The following MALRD1 variants were observed in gnomAD, a reference collection of about 807,000 sequenced individuals.
MALRD1 encodes MAM and LDL receptor class A domain containing 1, also known as MAM and LDL-receptor class A domain-containing protein 1.
Under a neutral mutation model 242.1 loss-of-function variants are expected in MALRD1, and 247 were observed. That is an observed-to-expected ratio of 1.02 (90% CI 0.92 to 1.13). MALRD1 has a LOEUF of 1.13. Among genes scored for constraint, MALRD1 ranks in the 50% most tolerant of loss-of-function variants. The pLI is 0.00. For synonymous variants in MALRD1, 995 were observed against 866.6 expected, an observed-to-expected ratio of 1.15 and a Z score of -2.60; for missense variants, 2,989 against 2,533.1, an observed-to-expected ratio of 1.18 and a Z score of -3.86.
At chr10:19,264,744 C>T (rs1281084582) in intron 19 of MALRD1, among the ~76,000 whole-genome samples, 5 of 152,076 alleles carry the variant, frequency 3.3e-5, no homozygotes, top group African/African-American at 4.8e-5. Context: ...TGAGCCACCA[C>T]GCCCAGCCCA....
At chr10:19,435,211 T>A (rs918834432) in intron 28 of MALRD1, among the ~76,000 whole-genome samples, 1 of 151,762 alleles carries the variant, frequency 6.6e-6, no homozygotes, top group African/African-American at 2.4e-5. Flanking sequence ...TTTAATTAAC[T>A]GCCTTATTTT....
intron 36 of MALRD1, among the ~76,000 whole-genome samples, chr10:19,634,289 C>T (rs1044840083): frequency 9.2e-5 from 14 of 152,212 alleles, no homozygotes; most frequent in Admixed American, 3.3e-4. Context: ...TGAAGAAGAA[C>T]GAAAATGTCA....
rs1284358484 is a variant in MALRD1, at chr10:19,352,172, A to T, written c.4316A>T (p.Lys1439Ile). 2 of 1,550,522 alleles carry T rather than the reference A, an allele frequency of 1.3e-6. No homozygotes were observed. Among genetic ancestry groups the T allele is most frequent in the South Asian group, 2.4e-5 (2 of 84,054 alleles). The change falls in exon 26 of 40, where the codon AAA becomes ATA. Residue 1439 changes from lysine to isoleucine, a missense_variant. Physicochemically the swap from Lys to Ile is moderately radical, Grantham distance 102. Transcript: ENST00000454679. ...SLFGDEDFQLKFEGRVGKGQR... is the reference protein window; with the variant it reads ...SLFGDEDFQLIFEGRVGKGQR... The stretch of plus-strand genomic sequence containing the variant: ...TTTGGTGATGAAGACTTCCAACTCA[A>T]ATTTGAAGGTAGAGTTGGGAAAGGT...
At chr10:19,481,981 G>A (rs958479736) in intron 29 of MALRD1, among the ~76,000 whole-genome samples, 6 of 151,490 alleles carry the variant, frequency 4.0e-5, no homozygotes, top group African/African-American at 1.5e-4. Context: ...ATTTTCCATC[G>A]TGTCTGATAG....
rs192225554 is a variant in MALRD1 at position 19,729,334 on chromosome 10, A to G, written c.6315-1372A>G. Among the ~76,000 whole-genome samples, 6 of 152,372 alleles carry G rather than the reference A, an allele frequency of 3.9e-5. No homozygotes were observed. In the East Asian group the frequency reaches 1.2e-3, roughly 29 times the overall value. On this transcript the variant is annotated intron_variant, in intron 38 of 39. Transcript: ENST00000454679. ...CTTGCTACATTTTATTTTGGGATTT[A>G]GAATTATATTACTGACAAACATTAA... is the stretch of plus-strand genomic sequence containing the variant.
At chr10:19,118,369 C>T (rs1219371390) in intron 5 of MALRD1, among the ~76,000 whole-genome samples, 1 of 152,076 alleles carries the variant, frequency 6.6e-6, no homozygotes, top group Non-Finnish European at 1.5e-5. Flanking sequence ...TTTGGGGAGA[C>T]ATAAAATATC....
Position 19,209,679 on chromosome 10 carries a change from A to T in MALRD1, c.2990A>T (p.Gln997Leu). ...HLNISSRQPF[Q>L]ILVEASVGDG... ...AACATTTCCAGCAGGCAGCCCTTTC[A>T]GGTATGGATAATAGATTTTATAATG... is the stretch of plus-strand genomic sequence containing the variant. The change falls in exon 18 of 40, where the codon CAG becomes CTG. Residue 997 changes from glutamine to leucine, a missense_variant and splice_region_variant. Coordinates refer to ENST00000454679, the MANE Select transcript of MALRD1 (RefSeq NM_001142308.3). 1.3e-6 allele frequency: 2 copies of T among 1,542,212 alleles called. No individual in the cohort carries two copies. Among genetic ancestry groups the T allele is most frequent in the Non-Finnish European group, 1.7e-6 (2 of 1,143,022 alleles).
chr10:19,467,224 G>C (rs1367864672), intron 29 of MALRD1, among the ~76,000 whole-genome samples: 1 of 49,574 alleles, frequency 2.0e-5, no homozygotes, highest in Non-Finnish European at 4.3e-5. Flanking sequence ...GTGTGGTGGT[G>C]GGCGCCTGTA....
chr10:19,305,289 T>C (rs1842117272), intron 21 of MALRD1, among the ~76,000 whole-genome samples: 1 of 151,674 alleles, frequency 6.6e-6, no homozygotes, highest in South Asian at 2.1e-4. Context: ...AGTACTACTT[T>C]TGTTGTAATA....
At chr10:19,602,663 C>T (rs1384567896) in intron 34 of MALRD1, among the ~76,000 whole-genome samples, 2 of 152,056 alleles carry the variant, frequency 1.3e-5, no homozygotes, top group Non-Finnish European at 2.9e-5. Flanking sequence ...CATACGTGTG[C>T]TTGTGTCTCT....
intron 28 of MALRD1, among the ~76,000 whole-genome samples, chr10:19,404,246 A>C (rs7079302): frequency 0.82 from 124,664 of 151,872 alleles, 51,443 homozygotes; most frequent in Non-Finnish European, 0.85. Context: ...TTCAGAATGC[A>C]CTTATGCTTT....
chr10:19,358,636 T>G (rs1485111183), intron 26 of MALRD1, among the ~76,000 whole-genome samples: 1 of 152,228 alleles, frequency 6.6e-6, no homozygotes, highest in Non-Finnish European at 1.5e-5. Context: ...CTTTACGTTC[T>G]GTACCATGGG....
At chr10:19,185,602 C>T (rs1835703482) in intron 14 of MALRD1, among the ~76,000 whole-genome samples, 1 of 152,136 alleles carries the variant, frequency 6.6e-6, no homozygotes, top group Admixed American at 6.5e-5. Context: ...GTGCATTAGA[C>T]ACTGGCATTT....
At chr10:19,649,295 T>C (rs1840770566) in intron 36 of MALRD1, among the ~76,000 whole-genome samples, 1 of 152,210 alleles carries the variant, frequency 6.6e-6, no homozygotes. Flanking sequence ...TGCTTTTAGC[T>C]CCTTGAGGAA....
At chr10:19,425,181 A>T (rs757350971) in intron 28 of MALRD1, among the ~76,000 whole-genome samples, 1 of 152,194 alleles carries the variant, frequency 6.6e-6, no homozygotes, top group East Asian at 1.9e-4. Context: ...TTAAATGACA[A>T]TGTGAAGTAA....
At chr10:19,606,092 C>T (rs1455331012) in intron 34 of MALRD1, among the ~76,000 whole-genome samples, 1 of 151,754 alleles carries the variant, frequency 6.6e-6, no homozygotes, top group Non-Finnish European at 1.5e-5. Flanking sequence ...TTTTAATGGG[C>T]CATTTTCAGA....
intron 4 of MALRD1, among the ~76,000 whole-genome samples, chr10:19,102,032 C>G (rs1226813561): frequency 7.5e-6 from 1 of 133,724 alleles, no homozygotes; most frequent in Non-Finnish European, 1.5e-5. Context: ...TAATTATAAA[C>G]TATATTTAAT....
intron 29 of MALRD1, among the ~76,000 whole-genome samples, chr10:19,452,062 T>C (rs989458614): frequency 2.6e-5 from 4 of 152,192 alleles, no homozygotes; most frequent in African/African-American, 7.2e-5. Flanking sequence ...CCAAGTAATA[T>C]GTTGAAATTC....
At chr10:19,272,692 C>G (rs1462595100) in intron 19 of MALRD1, among the ~76,000 whole-genome samples, 1 of 152,098 alleles carries the variant, frequency 6.6e-6, no homozygotes, top group Non-Finnish European at 1.5e-5. Context: ...TTGCCCTCCA[C>G]CCACCACAGG....
Sources: allele counts gnomAD v4.1 joint callset (sites outside exome capture counted in the v4.1 genomes callset), GRCh38; gene constraint gnomAD v4.1.1; transcripts MANE v1.5; gene names NCBI Gene and HGNC (gene_info 2026-07-23, HGNC 2026-07-21).